PRR16: variants seen among roughly 807,000 people sequenced by gnomAD.
PRR16 encodes proline rich 16, also known as protein Largen.
PRR16 carries 6 observed loss-of-function variants against 18.2 expected under a neutral mutation model. The ratio of observed to expected loss-of-function variants is 0.33; its 90% confidence interval spans 0.18 to 0.65. The LOEUF (loss-of-function observed/expected upper bound fraction) is 0.65. PRR16 is among the 30% of genes least tolerant of loss of function. The probability of loss-of-function intolerance (pLI) is 0.74; values close to 1 mark genes in which losing one functional copy is unlikely to be tolerated. For missense variants in PRR16, 412 were observed against 376.6 expected (o/e 1.09, Z -0.78); for synonymous variants, 151 against 147.8 (o/e 1.02, Z -0.16).
intron 1 of PRR16, among the ~76,000 whole-genome samples, chr5:120,467,922 C>G (rs1430151137): frequency 6.6e-6 from 1 of 152,054 alleles, no homozygotes; most frequent in East Asian, 1.9e-4. Flanking sequence ...GTTCCAAGTA[C>G]TATAACACCT....
intron 1 of PRR16, among the ~76,000 whole-genome samples, chr5:120,599,616 C>T (rs898693579): frequency 2.0e-5 from 3 of 151,810 alleles, no homozygotes; most frequent in Non-Finnish European, 4.4e-5. Context: ...TTTTGTTTCA[C>T]TTACTGATTT....
At position 120,612,572 on chromosome 5, in the gene PRR16, C is replaced by G. The variant is rs990745526; in HGVS notation, c.160-73382C>G. Reference sequence around the variant, plus strand: ...GGCGCTTCTACTTTTGCTTCTTCCTCATTTTCTCTTGCCACCACCATGTAA... The same window carrying G: ...GGCGCTTCTACTTTTGCTTCTTCCTGATTTTCTCTTGCCACCACCATGTAA... On this transcript the variant is annotated intron_variant, in intron 1 of 1. Coordinates refer to ENST00000407149, the MANE Select transcript of PRR16 (RefSeq NM_001300783.2). Among the ~76,000 whole-genome samples, 12 of 148,756 alleles carry G rather than the reference C, an allele frequency of 8.1e-5. No homozygotes were observed. In the South Asian group the frequency reaches 1.0e-3, roughly 13 times the overall value.
At chr5:120,771,203 T>G in the PRR16 span, among the ~76,000 whole-genome samples, 1 of 152,140 alleles carries the variant, frequency 6.6e-6, no homozygotes, top group African/African-American at 2.4e-5. Context: ...TAAATATATA[T>G]TAAACATTTT....
At chr5:120,667,790 T>A (rs900067311) in intron 1 of PRR16, among the ~76,000 whole-genome samples, 1 of 152,178 alleles carries the variant, frequency 6.6e-6, no homozygotes, top group African/African-American at 2.4e-5. Context: ...AATCCTGAGT[T>A]CTAGTTTGAT....
chr5:120,503,930 A>G (rs1276225559), intron 1 of PRR16, among the ~76,000 whole-genome samples: 3 of 151,842 alleles, frequency 2.0e-5, no homozygotes, highest in African/African-American at 7.3e-5. Flanking sequence ...GAGAATCATG[A>G]TTTCCAATTT....
the PRR16 span, among the ~76,000 whole-genome samples, chr5:120,771,968 A>G: frequency 6.2e-4 from 95 of 152,194 alleles, no homozygotes; most frequent in East Asian, 0.016. Context: ...AAAGAAAGCT[A>G]TAATAGTGGA....
At chr5:120,739,862 A>C in the PRR16 span, among the ~76,000 whole-genome samples, 5 of 152,058 alleles carry the variant, frequency 3.3e-5, no homozygotes, top group Admixed American at 2.6e-4. Context: ...AGAGTTCTGG[A>C]AGCGATTTTT....
intron 1 of PRR16, among the ~76,000 whole-genome samples, chr5:120,677,562 T>C (rs945316141): frequency 2.6e-5 from 4 of 152,210 alleles, no homozygotes; most frequent in East Asian, 1.9e-4. Context: ...AAATTGTGAT[T>C]GTTTTTCTAA....
the PRR16 span, among the ~76,000 whole-genome samples, chr5:120,734,233 G>A: frequency 1.3e-5 from 2 of 152,280 alleles, 1 homozygote; most frequent in South Asian, 4.1e-4. Context: ...GGCTTCCCAG[G>A]GAGAAGCCGC....
the PRR16 span, among the ~76,000 whole-genome samples, chr5:120,703,078 G>A: frequency 6.6e-6 from 1 of 152,172 alleles, no homozygotes; most frequent in Non-Finnish European, 1.5e-5. Context: ...AGGGAGATAA[G>A]GGTGGGGCCA....
At chr5:120,565,226 TA>T (rs1378255387) in intron 1 of PRR16, among the ~76,000 whole-genome samples, 1 of 152,168 alleles carries the variant, frequency 6.6e-6, no homozygotes, top group African/African-American at 2.4e-5. Context: ...ATGATCCACT[TA>T]TATGCATGTG....
At chr5:120,683,497 G>A (rs537797058) in intron 1 of PRR16, among the ~76,000 whole-genome samples, 2 of 103,358 alleles carry the variant, frequency 1.9e-5, no homozygotes, top group African/African-American at 7.6e-5. Context: ...GTGACACTCC[G>A]TCTCAAAAAA....
At position 120,473,049 on chromosome 5, in the gene PRR16, T is replaced by C. The variant is rs1445670934; in HGVS notation, c.159+8404T>C. ...TGAAAGACATATTGAATTCTTGATATGTGTAAGTCACTGTGCTGAAGAAAG... is the reference window on the plus strand; with the variant it reads ...TGAAAGACATATTGAATTCTTGATACGTGTAAGTCACTGTGCTGAAGAAAG... On this transcript the variant is annotated intron_variant, in intron 1 of 1. Coordinates refer to ENST00000407149, the MANE Select transcript of PRR16 (RefSeq NM_001300783.2). Among the ~76,000 whole-genome samples the C allele has an allele frequency of 2.0e-5, 3 of 152,200 alleles. No homozygotes were observed. The East Asian group carries it at 5.8e-4, about 29-fold the overall frequency.
At chr5:120,667,240 G>C (rs376903489) in intron 1 of PRR16, among the ~76,000 whole-genome samples, 1 of 152,052 alleles carries the variant, frequency 6.6e-6, no homozygotes, top group Non-Finnish European at 1.5e-5. Context: ...GTTTATTTGC[G>C]TAGAGGTGTT....
chr5:120,787,536 C>T, the PRR16 span, among the ~76,000 whole-genome samples: 3 of 152,002 alleles, frequency 2.0e-5, no homozygotes, highest in Admixed American at 6.6e-5. Flanking sequence ...GGCAAATATC[C>T]GCTTCCATAA....
chr5:120,775,897 C>T, the PRR16 span, among the ~76,000 whole-genome samples: 2 of 150,206 alleles, frequency 1.3e-5, no homozygotes, highest in Non-Finnish European at 2.9e-5. Flanking sequence ...ATACACCCAC[C>T]TTGGTCTCCC....
chr5:120,576,183 C>G (rs57650842), intron 1 of PRR16, among the ~76,000 whole-genome samples: 2 of 151,868 alleles, frequency 1.3e-5, no homozygotes, highest in South Asian at 4.1e-4. Context: ...AATCTTCTGC[C>G]CAAGAAAGAA....
the PRR16 span, among the ~76,000 whole-genome samples, chr5:120,793,768 A>C: frequency 6.6e-6 from 1 of 152,196 alleles, no homozygotes; most frequent in Non-Finnish European, 1.5e-5. Context: ...AAAAATGAGG[A>C]GTTAGGTGAT....
intron 1 of PRR16, among the ~76,000 whole-genome samples, chr5:120,537,173 A>G (rs2112676140): frequency 6.6e-6 from 1 of 152,344 alleles, no homozygotes; most frequent in South Asian, 2.1e-4. Context: ...AAACCCGCAC[A>G]TGTACCCCTG....
Sources: gnomAD v4.1 joint callset for allele counts (sites outside exome capture counted in the v4.1 genomes callset) on GRCh38, gnomAD v4.1.1 for gene constraint, MANE v1.5 for transcripts, NCBI Gene and HGNC (gene_info 2026-07-23, HGNC 2026-07-21) for gene names.